NAALADL2: variants seen among roughly 807,000 people sequenced by gnomAD.
NAALADL2 encodes the protein inactive N-acetylated-alpha-linked acidic dipeptidase-like protein 2.
A neutral mutation model predicts 87.2 loss-of-function variants in NAALADL2; 76 were observed. The observed-to-expected ratio is 0.87, with a 90% CI of 0.72 to 1.05. The LOEUF is 1.05. Ranked by LOEUF, NAALADL2 falls within the 50% of genes least tolerant of loss-of-function variation. NAALADL2 has a pLI of 0.00. For synonymous variants in NAALADL2, 354 were observed against 331.0 expected (o/e 1.07, Z -0.75); for missense variants, 1,089 against 945.8 (o/e 1.15, Z -1.99).
At chr3:174,851,398 A>C (rs1196258146) in intron 3 of NAALADL2, among the ~76,000 whole-genome samples, 1 of 151,334 alleles carries the variant, frequency 6.6e-6, no homozygotes, top group African/African-American at 2.4e-5. Context: ...GAGAAGACCC[A>C]AATAAATAAA....
intron 5 of NAALADL2, among the ~76,000 whole-genome samples, chr3:175,382,507 G>A (rs1581666143): frequency 1.4e-5 from 1 of 73,560 alleles, no homozygotes; most frequent in Non-Finnish European, 3.0e-5. Flanking sequence ...CAGAAAAGAT[G>A]AATATCCACA....
rs181227559 is a variant in NAALADL2, at chr3:174,565,468, C to T, written c.-115+14831C>T. On this transcript the variant is annotated intron_variant, in intron 2 of 3. Transcript: ENST00000434257. ...GTCTTCTTTCATTTAGATATATGTA[C>T]TTAAGTTTTCTCCATGTCGTTTTAT... Among the ~76,000 whole-genome samples the T allele has an allele frequency of 7.8e-3, 1,185 of 152,012 alleles. 20 individuals carry two copies. Among genetic ancestry groups the T allele is most frequent in the South Asian group, 0.047 (226 of 4,816 alleles).
intron 2 of NAALADL2, 97 bp downstream of exon 2, chr3:175,097,388 G>A: frequency 8.8e-7 from 1 of 1,137,576 alleles, no homozygotes; most frequent in Non-Finnish European, 1.3e-6. Flanking sequence ...GTTCACGTCA[G>A]TGTTGCAAGC....
intron 11 of NAALADL2, among the ~76,000 whole-genome samples, chr3:175,732,282 A>G (rs1743874913): frequency 6.6e-6 from 1 of 152,168 alleles, no homozygotes; most frequent in South Asian, 2.1e-4. Flanking sequence ...GATGCATAGG[A>G]TTACGCAATA....
intron 1 of NAALADL2, among the ~76,000 whole-genome samples, chr3:174,501,240 G>A (rs965663145): frequency 6.7e-5 from 10 of 148,726 alleles, no homozygotes; most frequent in African/African-American, 2.3e-4. Context: ...CACTACGCCC[G>A]GCTAATTTTT....
intron 3 of NAALADL2, among the ~76,000 whole-genome samples, chr3:174,773,826 G>A (rs1410501200): frequency 6.6e-6 from 1 of 152,066 alleles, no homozygotes; most frequent in African/African-American, 2.4e-5. Flanking sequence ...AACAATGATT[G>A]TCCCTTTATT....
At chr3:175,247,520 T>C (rs1235954102) in intron 3 of NAALADL2, among the ~76,000 whole-genome samples, 1 of 152,068 alleles carries the variant, frequency 6.6e-6, no homozygotes, top group Non-Finnish European at 1.5e-5. Flanking sequence ...GGTGTATTTC[T>C]AATAACAAGG....
intron 11 of NAALADL2, among the ~76,000 whole-genome samples, chr3:175,709,482 A>C (rs1740220408): frequency 6.6e-6 from 1 of 152,250 alleles, no homozygotes; most frequent in East Asian, 1.9e-4. Flanking sequence ...CAAAGTATAA[A>C]ATAGTAAGTT....
intron 12 of NAALADL2, among the ~76,000 whole-genome samples, chr3:175,747,072 A>G (rs76717920): frequency 2.7e-3 from 418 of 152,364 alleles, no homozygotes; most frequent in African/African-American, 9.7e-3. Flanking sequence ...TATTTGAGGC[A>G]GCTGGCTCTT....
chr3:175,431,455 T>G (rs1476523893), intron 5 of NAALADL2, among the ~76,000 whole-genome samples: 2 of 152,008 alleles, frequency 1.3e-5, no homozygotes, highest in Non-Finnish European at 2.9e-5. Context: ...TTGTACCTAT[T>G]CTTCTGTGGA....
intron 10 of NAALADL2, among the ~76,000 whole-genome samples, chr3:175,612,288 T>C (rs957447370): frequency 1.3e-5 from 2 of 152,202 alleles, no homozygotes; most frequent in African/African-American, 4.8e-5. Context: ...GTCTGTCTTA[T>C]TTCTGCACAA....
intron 11 of NAALADL2, among the ~76,000 whole-genome samples, chr3:175,635,839 A>G (rs1033422304): frequency 6.6e-6 from 1 of 152,170 alleles, no homozygotes; most frequent in Non-Finnish European, 1.5e-5. Context: ...TGAATGCATA[A>G]CAGAATAACT....
At chr3:175,129,979 G>C (rs920613819) in intron 2 of NAALADL2, among the ~76,000 whole-genome samples, 2 of 152,078 alleles carry the variant, frequency 1.3e-5, no homozygotes, top group Non-Finnish European at 2.9e-5. Context: ...CTTGTCTCTT[G>C]TCTTAATGAT....
intron 1 of NAALADL2, among the ~76,000 whole-genome samples, chr3:174,919,846 C>T (rs956830784): frequency 3.9e-5 from 6 of 152,164 alleles, no homozygotes; most frequent in African/African-American, 9.7e-5. Context: ...AAAATTACTC[C>T]TTGATCCATA....
intron 1 of NAALADL2, among the ~76,000 whole-genome samples, chr3:174,537,360 G>T (rs1264456877): frequency 6.6e-6 from 1 of 152,126 alleles, no homozygotes; most frequent in Non-Finnish European, 1.5e-5. Context: ...GCTATCATTT[G>T]TGATTATTTA....
chr3:174,570,549 T>C (rs897954662), intron 2 of NAALADL2, among the ~76,000 whole-genome samples: 8 of 152,170 alleles, frequency 5.3e-5, no homozygotes, highest in East Asian at 1.9e-4. Flanking sequence ...TAAGCCAATC[T>C]AAGGCGCGCT....
At chr3:174,625,386 C>A (rs1721473281) in intron 2 of NAALADL2, among the ~76,000 whole-genome samples, 1 of 151,872 alleles carries the variant, frequency 6.6e-6, no homozygotes, top group African/African-American at 2.4e-5. Flanking sequence ...AATGGCTGTA[C>A]ACAGAAAATT....
intron 10 of NAALADL2, among the ~76,000 whole-genome samples, chr3:175,609,283 T>C (rs549209764): frequency 3.9e-5 from 6 of 152,254 alleles, no homozygotes; most frequent in Admixed American, 3.3e-4. Flanking sequence ...CATAGAATTT[T>C]TAAGGATATT....
intron 1 of NAALADL2, among the ~76,000 whole-genome samples, chr3:174,898,922 A>G (rs1371026683): frequency 6.6e-6 from 1 of 152,160 alleles, no homozygotes; most frequent in Non-Finnish European, 1.5e-5. Context: ...TGACTTGAGT[A>G]GTAGTTGCAT....
Sources: allele counts gnomAD v4.1 joint callset (sites outside exome capture counted in the v4.1 genomes callset), GRCh38; gene constraint gnomAD v4.1.1; transcripts MANE v1.5; gene names NCBI Gene and HGNC (gene_info 2026-07-23, HGNC 2026-07-21).